The following CDC42BPA variants were observed in gnomAD, a reference collection of about 807,000 sequenced individuals.
CDC42BPA encodes the protein serine/threonine-protein kinase MRCK alpha.
In CDC42BPA, 80 loss-of-function variants were observed where a neutral mutation model predicts 223.5. The ratio of observed to expected loss-of-function variants is 0.36; its 90% confidence interval spans 0.30 to 0.43. The LOEUF is 0.43. Among genes scored for constraint, CDC42BPA ranks in the 20% least tolerant of loss-of-function variants. CDC42BPA has a pLI of 1.00. For missense variants in CDC42BPA, 1,743 were observed against 2,099.9 expected, an observed-to-expected ratio of 0.83 and a Z score of 3.32; for synonymous variants, 694 against 718.6, an observed-to-expected ratio of 0.97 and a Z score of 0.55.
intron 5 of CDC42BPA, among the ~76,000 whole-genome samples, chr1:227,178,752 C>A (rs1667399679): frequency 6.6e-6 from 1 of 152,178 alleles, no homozygotes; most frequent in African/African-American, 2.4e-5. Flanking sequence ...ACCTTGGCCT[C>A]CCAAAATGCT....
At chr1:227,190,359 C>A (rs1669506249) in intron 5 of CDC42BPA, among the ~76,000 whole-genome samples, 2 of 152,164 alleles carry the variant, frequency 1.3e-5, no homozygotes, top group African/African-American at 4.8e-5. Context: ...TAAAATGGGG[C>A]AACGTCGATT....
chr1:227,277,387 A>C (rs1168180045), intron 1 of CDC42BPA, among the ~76,000 whole-genome samples: 1 of 152,206 alleles, frequency 6.6e-6, no homozygotes, highest in Admixed American at 6.5e-5. Context: ...TTGAGGGACT[A>C]CATCTCATCC....
At chr1:227,147,858 C>A (rs563854648) in intron 6 of CDC42BPA, among the ~76,000 whole-genome samples, 1 of 150,762 alleles carries the variant, frequency 6.6e-6, no homozygotes. Context: ...TGGTTTAGAA[C>A]ACTCATTATT....
chr1:227,036,713 A>G (rs186169334), intron 24 of CDC42BPA, among the ~76,000 whole-genome samples: 8,196 of 152,098 alleles, frequency 0.054, 247 homozygotes, highest in Non-Finnish European at 0.072. Flanking sequence ...ACAGGCGTTG[A>G]GCCACCGCGC....
chr1:227,273,152 G>T (rs917087546), intron 1 of CDC42BPA, among the ~76,000 whole-genome samples: 2 of 152,230 alleles, frequency 1.3e-5, no homozygotes, highest in African/African-American at 4.8e-5. Context: ...ACAAAAATTA[G>T]CCAGGCATGG....
At chr1:227,290,705 A>G (rs1689550908) in intron 1 of CDC42BPA, among the ~76,000 whole-genome samples, 1 of 152,184 alleles carries the variant, frequency 6.6e-6, no homozygotes, top group African/African-American at 2.4e-5. Flanking sequence ...TTTAATGACT[A>G]TTTATAATTT....
At chr1:227,284,965 A>AT (rs1444454376) in intron 1 of CDC42BPA, among the ~76,000 whole-genome samples, 3 of 144,238 alleles carry the variant, frequency 2.1e-5, no homozygotes, top group African/African-American at 7.7e-5. Context: ...CCCATCTCAC[A>AT]AAAAAAAAAA....
intron 3 of CDC42BPA, among the ~76,000 whole-genome samples, chr1:227,208,812 T>C (rs1416402063): frequency 2.0e-5 from 3 of 152,226 alleles, no homozygotes; most frequent in African/African-American, 4.8e-5. Context: ...TTTGTTCTTT[T>C]GGCTTAGGAT....
intron 1 of CDC42BPA, among the ~76,000 whole-genome samples, chr1:227,290,956 T>G (rs1230280296): frequency 6.6e-6 from 1 of 152,184 alleles, no homozygotes; most frequent in Admixed American, 6.5e-5. Flanking sequence ...GGGAGACTGT[T>G]TGTTGTCTAG....
intron 20 of CDC42BPA, among the ~76,000 whole-genome samples, chr1:227,071,608 T>A (rs1436665202): frequency 6.6e-6 from 1 of 151,572 alleles, no homozygotes; most frequent in Non-Finnish European, 1.5e-5. Context: ...GAAGAAGACA[T>A]TAAAATGCCC....
chr1:227,048,753 G>GAAAA lies in CDC42BPA; in HGVS notation c.3010-747_3010-744dup, dbSNP rs34655609. Reference sequence around the variant, plus strand: ...CACTGCTTAATCAGCAAAGTAGTGAGAAAAAAAAAAAAAAAAAAGACATGG... The same window carrying GAAAA: ...CACTGCTTAATCAGCAAAGTAGTGAGAAAAAAAAAAAAAAAAAAAAAAGACATGG... On this transcript the variant is annotated intron_variant, in intron 22 of 36. Coordinates refer to ENST00000366766, the MANE Select transcript of CDC42BPA (RefSeq NM_001394014.1). Among the ~76,000 whole-genome samples, 210 of 112,504 alleles carry GAAAA rather than the reference G, an allele frequency of 1.9e-3. 5 individuals are homozygous for GAAAA. Among genetic ancestry groups the GAAAA allele is most frequent in the African/African-American group, 5.9e-3 (179 of 30,230 alleles). 73.8% of individuals were successfully genotyped at this position (112,504 alleles called of 152,430 possible). A position where few individuals can be genotyped will look rare whatever the true frequency, so the allele number is the denominator to read the frequency against.
At chr1:227,026,572 C>G (rs534607437) in intron 30 of CDC42BPA, among the ~76,000 whole-genome samples, 1 of 152,278 alleles carries the variant, frequency 6.6e-6, no homozygotes, top group Admixed American at 6.5e-5. Flanking sequence ...CACTGTAGCA[C>G]AGTTACATGA....
In CDC42BPA at chr1:227,314,114, T is replaced by C. The variant is rs145299849; in HGVS notation, c.178+2891A>G. ...AATGATATACTAATTCAGTCATTACTAGCAAATTAGTTTACAATGTGGAAG... is the reference window on the plus strand; with the variant it reads ...AATGATATACTAATTCAGTCATTACCAGCAAATTAGTTTACAATGTGGAAG... On this transcript the variant is annotated intron_variant, in intron 1 of 36. Coordinates refer to ENST00000366766, the MANE Select transcript of CDC42BPA (RefSeq NM_001394014.1). Among the ~76,000 whole-genome samples the C allele has an allele frequency of 1.8e-4, 28 of 152,282 alleles. No homozygotes were observed. The East Asian group carries it at 3.7e-3, about 20-fold the overall frequency.
chr1:227,303,007 G>GTTTTTTTTTTTTTTTT (rs201889285), intron 1 of CDC42BPA, among the ~76,000 whole-genome samples: 1 of 135,016 alleles, frequency 7.4e-6, no homozygotes, highest in African/African-American at 2.8e-5. Flanking sequence ...GTTTTTTTGG[G>GTTTTTTTTTTTTTTTT]TTTTTTTTTT....
intron 6 of CDC42BPA, among the ~76,000 whole-genome samples, chr1:227,157,513 T>G (rs1663035323): frequency 6.6e-6 from 1 of 152,212 alleles, no homozygotes; most frequent in South Asian, 2.1e-4. Flanking sequence ...TGCTTTTAAA[T>G]GTTTTAATCT....
At chr1:227,115,371 ATAT>A (rs1255803222) in intron 12 of CDC42BPA, among the ~76,000 whole-genome samples, 11 of 152,238 alleles carry the variant, frequency 7.2e-5, no homozygotes, top group African/African-American at 2.6e-4. Flanking sequence ...CTAAGAAGAA[ATAT>A]TATCCTAAAC....
At chr1:227,208,496 G>A (rs1310440930) in intron 3 of CDC42BPA, among the ~76,000 whole-genome samples, 9 of 147,700 alleles carry the variant, frequency 6.1e-5, no homozygotes, top group South Asian at 4.5e-4. Context: ...TAGGTCTAAC[G>A]TTTAAGTCTT....
chr1:227,124,847 C>T lies in CDC42BPA; in HGVS notation c.1513+4262G>A, dbSNP rs1327841084. ...AAGCTTACTCTGGAGACTTCAAGTT[C>T]TGGGAAGAAGGAATAGATATATTTC... On this transcript the variant is annotated intron_variant, in intron 11 of 36. Coordinates refer to ENST00000366766, the MANE Select transcript of CDC42BPA (RefSeq NM_001394014.1). Among the ~76,000 whole-genome samples, 5 of 152,122 alleles carry T rather than the reference C, an allele frequency of 3.3e-5. No homozygotes were observed. In the East Asian group the frequency reaches 9.6e-4, roughly 29 times the overall value.
At position 227,099,819 on chromosome 1, in the gene CDC42BPA, T is replaced by A. The variant is rs188938284; in HGVS notation, c.2249+1173A>T. 1.4e-3 allele frequency among the ~76,000 whole-genome samples: 207 copies of A among 152,288 alleles called. 1 individual carries two copies. Among genetic ancestry groups the A allele is most frequent in the African/African-American group, 4.7e-3 (196 of 41,560 alleles). ...CCCTGGCCATCCTGTATTTATATAA[T>A]TTAACCCTCCCTTGAATGCTTCATA... is the stretch of plus-strand genomic sequence containing the variant. On this transcript the variant is annotated intron_variant, in intron 15 of 36. Coordinates refer to ENST00000366766, the MANE Select transcript of CDC42BPA (RefSeq NM_001394014.1).
Sources: gnomAD v4.1 joint callset for allele counts (sites outside exome capture counted in the v4.1 genomes callset) on GRCh38, gnomAD v4.1.1 for gene constraint, MANE v1.5 for transcripts, NCBI Gene and HGNC (gene_info 2026-07-23, HGNC 2026-07-21) for gene names.